Variants in C15orf40 observed in about 807,000 individuals in gnomAD.
C15orf40 encodes the protein chromosome 15 open reading frame 40.
In C15orf40, 9 loss-of-function variants were observed where a neutral mutation model predicts 13.9. The ratio of observed to expected loss-of-function variants is 0.65; its 90% CI spans 0.39 to 1.13. The LOEUF (loss-of-function observed/expected upper bound fraction) is 1.13, where lower values mean the gene tolerates loss of function less well. C15orf40 is among the 50% of genes most tolerant of loss of function. The pLI is 0.01. For synonymous variants in C15orf40, 95 were observed against 69.2 expected (o/e 1.37, Z -1.85); for missense variants, 225 against 188.5 (o/e 1.19, Z -1.13).
At position 83,002,612 on chromosome 15, in the gene C15orf40, G is replaced by C. The variant is rs2031464680; in HGVS notation, c.*2985C>G. 1 of 152,174 alleles carries C rather than the reference G, an allele frequency of 6.6e-6. No homozygotes were observed. The highest frequency in any genetic ancestry group is 1.5e-5 in the Non-Finnish European group (1 of 68,040). 9.4% of individuals were successfully genotyped at this position (152,174 alleles called of 1,614,324 possible). A position where few individuals can be genotyped will look rare whatever the true frequency, so the allele number is the denominator to read the frequency against. ...TAGAAATTTCATGTGACTTGATTTG[G>C]GCTGATACAAGGGAAGGCTGACTGA... On this transcript the variant is annotated 3_prime_UTR_variant, in exon 4 of 4. Transcript: ENST00000304177.
At chr15:82,994,636 A>G (rs893258895), downstream of C15orf40, among the ~76,000 whole-genome samples, 10 of 152,184 alleles carry the variant, frequency 6.6e-5, no homozygotes, top group African/African-American at 2.4e-4. Context: ...GAAAGTACTT[A>G]CTTTGTAATG....
chr15:83,006,686 G>A (rs1207450993), intron 3 of C15orf40, among the ~76,000 whole-genome samples: 2 of 152,110 alleles, frequency 1.3e-5, no homozygotes, highest in East Asian at 1.9e-4. Flanking sequence ...GGGGAGGGGC[G>A]GGGCGCGGGG....
Position 83,004,551 on chromosome 15 carries a change from C to T in C15orf40, c.*1046G>A. The stretch of plus-strand genomic sequence containing the variant: ...TGAAAATAGCTTCCAAGTCCTCTTT[C>T]TTCTTTTAAGGATCTTTGGAGATTC... On this transcript the variant is annotated 3_prime_UTR_variant, in exon 4 of 4. Coordinates refer to ENST00000304177, the MANE Select transcript of C15orf40 (RefSeq NM_144597.3). 3.5e-6 allele frequency: 3 copies of T among 851,536 alleles called. No individual in the cohort carries two copies. Among genetic ancestry groups the T allele is most frequent in the Non-Finnish European group, 4.2e-6 (3 of 708,158 alleles). 52.7% of individuals were successfully genotyped at this position (851,536 alleles called of 1,614,324 possible).
chr15:82,996,240 T>G lies in C15orf40; in HGVS notation c.*9357A>C, dbSNP rs2031067707. On this transcript the variant is annotated 3_prime_UTR_variant, in exon 4 of 4. Transcript: ENST00000304177. ...TTAACTCCCTAAAGAATCTCCAGTC[T>G]CTTTGTCTGAATTAGGTAAATAAAG... 6.6e-6 allele frequency: 1 copy of G among 152,260 alleles called. No individual in the cohort carries two copies. Among genetic ancestry groups the G allele is most frequent in the Non-Finnish European group, 1.5e-5 (1 of 68,050 alleles). The allele number at this position is 152,260 out of a possible 1,614,324, so 9.4% of individuals were successfully genotyped here. A position where few individuals can be genotyped will look rare whatever the true frequency, so the allele number is the denominator to read the frequency against.
rs569200517 is a variant in C15orf40 at position 83,003,228 on chromosome 15, C to G, written c.*2369G>C. ...GCAACCTCCAACTCCCGGGTTCAAG[C>G]GATTCTCCTACCTCAGCCTCCCGAG... On this transcript the variant is annotated 3_prime_UTR_variant, in exon 4 of 4. Transcript: ENST00000304177. The G allele has an allele frequency of 6.7e-6, 1 of 149,816 alleles. No individual in the cohort carries two copies. The highest frequency in any genetic ancestry group is 2.1e-4 in the South Asian group (1 of 4,776). The allele number at this position is 149,816 out of a possible 1,614,324, so 9.3% of individuals were successfully genotyped here. A position where few individuals can be genotyped will look rare whatever the true frequency, so the allele number is the denominator to read the frequency against.
chr15:83,000,322 T>C lies in C15orf40; in HGVS notation c.*5275A>G, dbSNP rs2031363428. The C allele has an allele frequency of 6.6e-6, 1 of 152,256 alleles. No individual in the cohort carries two copies. 9.4% of individuals were successfully genotyped at this position (152,256 alleles called of 1,614,324 possible). A position where few individuals can be genotyped will look rare whatever the true frequency, so the allele number is the denominator to read the frequency against. ...TTTTCAGAAACACTGGCTACGTGGATTTCTGAAACCTGCAGAGTTAAGGAA... is the reference window on the plus strand; with the variant it reads ...TTTTCAGAAACACTGGCTACGTGGACTTCTGAAACCTGCAGAGTTAAGGAA... On this transcript the variant is annotated 3_prime_UTR_variant, in exon 4 of 4. Transcript: ENST00000304177.
chr15:82,992,629 C>G (rs1042560809), downstream of C15orf40, among the ~76,000 whole-genome samples: 2 of 152,190 alleles, frequency 1.3e-5, no homozygotes, highest in African/African-American at 4.8e-5. Flanking sequence ...GCTGTGCCAG[C>G]TGTTGACACA....
In C15orf40 at chr15:83,008,601, G is replaced by A. The variant is rs566813563; in HGVS notation, c.313C>T (p.Arg105Trp). The change falls in exon 3 of 4, where the codon CGG becomes TGG. Residue 105 changes from arginine (R) to tryptophan (W), a missense_variant. Arg to Trp is a moderately radical substitution (Grantham distance 101). Coordinates refer to ENST00000304177, the MANE Select transcript of C15orf40 (RefSeq NM_144597.3). Reference protein sequence around the residue: ...SEGEANAELCRYLSKVLELRK... With the variant: ...SEGEANAELCWYLSKVLELRK... ...AGTTCTAGGACCTTGGAAAGATACC[G>A]ACAGAGCTCAGCATTAGCCTCTCCC... 2.6e-5 allele frequency: 42 copies of A among 1,613,684 alleles called. No individual in the cohort carries two copies. Among genetic ancestry groups the A allele is most frequent in the African/African-American group, 1.9e-4 (14 of 74,922 alleles).
In C15orf40 at chr15:82,999,198, T is replaced by G. The variant is rs1286852005; in HGVS notation, c.*6399A>C. The G allele has an allele frequency of 6.8e-6, 1 of 146,218 alleles. No individual in the cohort carries two copies. Among genetic ancestry groups the G allele is most frequent in the Non-Finnish European group, 1.5e-5 (1 of 66,886 alleles). 9.1% of individuals were successfully genotyped at this position (146,218 alleles called of 1,614,324 possible). A position where few individuals can be genotyped will look rare whatever the true frequency, so the allele number is the denominator to read the frequency against. ...AGGGGGAGGGGGAGGGGGAGGGGGC[T>G]CATTTTTATTTATTTGAGACAGCGT... On this transcript the variant is annotated 3_prime_UTR_variant, in exon 4 of 4. Transcript: ENST00000304177.
rs943207161 is a variant in C15orf40, at chr15:83,003,699, A to T, written c.*1898T>A. 1 of 152,226 alleles carries T rather than the reference A, an allele frequency of 6.6e-6. No homozygotes were observed. Among genetic ancestry groups the T allele is most frequent in the African/African-American group, 2.4e-5 (1 of 41,450 alleles). The allele number at this position is 152,226 out of a possible 1,614,324, so 9.4% of individuals were successfully genotyped here. A position where few individuals can be genotyped will look rare whatever the true frequency, so the allele number is the denominator to read the frequency against. On this transcript the variant is annotated 3_prime_UTR_variant, in exon 4 of 4. Transcript: ENST00000304177. ...TTCTTGCCCTTGATACCTATTTGGT[A>T]CAAGTTAAGAGTTGTACTAGACGAG... is the stretch of plus-strand genomic sequence containing the variant.
In C15orf40 at chr15:82,998,856, G is replaced by A. The variant is rs1466902857; in HGVS notation, c.*6741C>T. 2.0e-5 allele frequency: 2 copies of A among 100,422 alleles called. No homozygotes were observed. The highest frequency in any genetic ancestry group is 4.5e-5 in the African/African-American group (1 of 22,346). 6.2% of individuals were successfully genotyped at this position (100,422 alleles called of 1,614,324 possible). On this transcript the variant is annotated 3_prime_UTR_variant, in exon 4 of 4. Coordinates refer to ENST00000304177, the MANE Select transcript of C15orf40 (RefSeq NM_144597.3). ...GTAGGTTGTAGTGAGCCGAGATCAC[G>A]CCACTGCACTCCAGCCTGGGCACCA... is the stretch of plus-strand genomic sequence containing the variant.
At chr15:83,010,672 T>C (rs2031956388) in intron 1 of C15orf40, 1 of 269,952 alleles carries the variant, frequency 3.7e-6, no homozygotes, top group Non-Finnish European at 7.1e-6. Flanking sequence ...GCAGGGATCA[T>C]TTATTATTCA....
downstream of C15orf40, among the ~76,000 whole-genome samples, chr15:82,993,025 A>T (rs1468496280): frequency 6.6e-6 from 1 of 152,232 alleles, no homozygotes; most frequent in Non-Finnish European, 1.5e-5. Context: ...AAATAGAATT[A>T]ATTTCAAGTA....
downstream of C15orf40, among the ~76,000 whole-genome samples, chr15:82,992,579 G>C (rs1412084603): frequency 1.7e-4 from 26 of 151,908 alleles, no homozygotes; most frequent in Admixed American, 1.7e-3. Flanking sequence ...CCAGTAGTTG[G>C]GACAGTATAG....
In C15orf40 at chr15:83,005,597, T is replaced by G; in HGVS notation, c.462A>C (p.Ter154TyrextTer27). Residue 154 changes from the stop codon to tyrosine, a stop_lost, in exon 4 of 4, where the codon TAA becomes TAC. Transcript: ENST00000304177. Reference protein sequence around the residue: ...EKLKKEAKKT* With the variant: ...EKLKKEAKKTY ...CTGCGCCCGGCCTCATTTCTTGCTT[T>G]TATGTTTTTTTGGCTTCCTTTTTTA... 2 of 1,608,448 alleles carry G rather than the reference T, an allele frequency of 1.2e-6. No homozygotes were observed. The highest frequency in any genetic ancestry group is 1.7e-6 in the Non-Finnish European group (2 of 1,177,436).
chr15:83,009,149 T>G (rs950870323), intron 2 of C15orf40, among the ~76,000 whole-genome samples: 32 of 152,242 alleles, frequency 2.1e-4, no homozygotes, highest in African/African-American at 7.2e-4. Flanking sequence ...ACACATATCT[T>G]GAGTGTTTTT....
Position 82,999,825 on chromosome 15 carries a change from A to C in C15orf40, c.*5772T>G, listed in dbSNP as rs2031337900. ...GGGGATTCTTCCCTCCCCAAACTCTATCTAGGGGACCGATGGACCCTGAGG... is the reference window on the plus strand; with the variant it reads ...GGGGATTCTTCCCTCCCCAAACTCTCTCTAGGGGACCGATGGACCCTGAGG... On this transcript the variant is annotated 3_prime_UTR_variant, in exon 4 of 4. Coordinates refer to ENST00000304177, the MANE Select transcript of C15orf40 (RefSeq NM_144597.3). 6.6e-6 allele frequency: 1 copy of C among 152,192 alleles called. No individual in the cohort carries two copies. Among genetic ancestry groups the C allele is most frequent in the Non-Finnish European group, 1.5e-5 (1 of 68,034 alleles). The allele number at this position is 152,192 out of a possible 1,614,324, so 9.4% of individuals were successfully genotyped here.
chr15:83,002,478 G>A lies in C15orf40; in HGVS notation c.*3119C>T, dbSNP rs889316781. ...TATGCTGACCCCATTTCCACCTCTA[G>A]GATGGGCCTTAATTGGCCTGAAACA... is the stretch of plus-strand genomic sequence containing the variant. On this transcript the variant is annotated 3_prime_UTR_variant, in exon 4 of 4. Transcript: ENST00000304177. The A allele has an allele frequency of 1.3e-5, 2 of 152,148 alleles. No individual in the cohort carries two copies. Among genetic ancestry groups the A allele is most frequent in the African/African-American group, 4.8e-5 (2 of 41,404 alleles). 9.4% of individuals were successfully genotyped at this position (152,148 alleles called of 1,614,324 possible). A position where few individuals can be genotyped will look rare whatever the true frequency, so the allele number is the denominator to read the frequency against.
chr15:82,992,345 GTC>G (rs1184040351), downstream of C15orf40, among the ~76,000 whole-genome samples: 1 of 152,016 alleles, frequency 6.6e-6, no homozygotes, highest in Non-Finnish European at 1.5e-5. Flanking sequence ...GTGAAATCCT[GTC>G]TCTATTAAAA....
Sources: allele counts gnomAD v4.1 joint callset (sites outside exome capture counted in the v4.1 genomes callset), GRCh38; gene constraint gnomAD v4.1.1; transcripts MANE v1.5; gene names NCBI Gene and HGNC (gene_info 2026-07-23, HGNC 2026-07-21).